DNHD1: variants seen among roughly 807,000 people sequenced by gnomAD.
DNHD1 encodes the protein dynein heavy chain domain-containing protein 1.
In DNHD1, 383 loss-of-function variants were observed where a neutral mutation model predicts 458.1. The ratio of observed to expected loss-of-function variants is 0.84; its 90% confidence interval spans 0.77 to 0.91. The LOEUF (loss-of-function observed/expected upper bound fraction) is 0.91. Among genes scored for constraint, DNHD1 ranks in the 40% least tolerant of loss-of-function variants. The probability of loss-of-function intolerance (pLI) is 0.00; values close to 1 mark genes in which losing one functional copy is unlikely to be tolerated. For synonymous variants in DNHD1, 2,203 were observed against 2,376.9 expected (o/e 0.93, Z 2.13); for missense variants, 5,336 against 5,866.1 (o/e 0.91, Z 2.95).
chr11:6,567,853 A>G lies in DNHD1; in HGVS notation c.12344A>G (p.Tyr4115Cys), dbSNP rs1437977167. 2 of 1,610,880 alleles carry G rather than the reference A, an allele frequency of 1.2e-6. No individual in the cohort carries two copies. The highest frequency in any genetic ancestry group is 1.3e-5 in the African/African-American group (1 of 74,948). Reference sequence around the variant, plus strand: ...GTCATCCAGAAACTGGCTGCCAAGTATCAGCAGGTTTGAACCTAGTTTCTT... The same window carrying G: ...GTCATCCAGAAACTGGCTGCCAAGTGTCAGCAGGTTTGAACCTAGTTTCTT... ...LTVIQKLAAK[Y>C]QQGQKQLQVI... The change falls in exon 36 of 43, where the codon TAT (tyrosine) becomes TGT (cysteine). Residue 4115 changes from tyrosine to cysteine, a missense_variant. Transcript: ENST00000254579.
At chr11:6,561,837 C>T (rs1170341486) in intron 28 of DNHD1, among the ~76,000 whole-genome samples, 2 of 151,984 alleles carry the variant, frequency 1.3e-5, no homozygotes, top group Non-Finnish European at 2.9e-5. Context: ...AGAGTGTGTG[C>T]CACATTGGAG....
chr11:6,522,581 A>G (rs961506912), intron 10 of DNHD1, among the ~76,000 whole-genome samples: 32 of 152,310 alleles, frequency 2.1e-4, no homozygotes, highest in African/African-American at 7.5e-4. Context: ...GTTTACCTAT[A>G]TAACAAACCT....
chr11:6,549,472 G>A (rs1299390090), intron 24 of DNHD1, among the ~76,000 whole-genome samples: 2 of 152,212 alleles, frequency 1.3e-5, no homozygotes, highest in African/African-American at 4.8e-5. Context: ...AGCTTTCTGT[G>A]ATGAGGCTTT....
chr11:6,512,211 C>CTT (rs11287049), intron 7 of DNHD1, among the ~76,000 whole-genome samples: 4,139 of 91,532 alleles, frequency 0.045, 666 homozygotes, highest in African/African-American at 0.16. Context: ...CTTTTTCTTT[C>CTT]TTTTTTTTTT....
chr11:6,570,662 C>T lies in DNHD1; in HGVS notation c.13150C>T (p.His4384Tyr), dbSNP rs774924494. The T allele has an allele frequency of 3.7e-6, 6 of 1,612,038 alleles. No homozygotes were observed. The highest frequency in any genetic ancestry group is 5.1e-6 in the Non-Finnish European group (6 of 1,179,156). ...AATGGCAGAGTGCAAGGCCCAGATGCACCTACTGCCCTCACCACCTGAACC... is the reference window on the plus strand; with the variant it reads ...AATGGCAGAGTGCAAGGCCCAGATGTACCTACTGCCCTCACCACCTGAACC... ...DAMAECKAQM[H>Y]LLPSPPEPRL... The change falls in exon 42 of 43, where the codon CAC becomes TAC. Residue 4384 changes from histidine (H) to tyrosine (Y), a missense_variant. By Grantham distance (83) the His-to-Tyr change is moderately conservative. This residue lies in a region of DNHD1 where 698 missense variants were observed against 664.9 expected (regional missense o/e 1.05). Coordinates refer to ENST00000254579, the MANE Select transcript of DNHD1 (RefSeq NM_144666.3).
intron 10 of DNHD1, among the ~76,000 whole-genome samples, chr11:6,522,146 A>G (rs1852616768): frequency 6.6e-6 from 1 of 152,066 alleles, no homozygotes; most frequent in Admixed American, 6.6e-5. Context: ...CTTCTTTTGA[A>G]AAGTGTCTGT....
intron 24 of DNHD1, among the ~76,000 whole-genome samples, chr11:6,550,590 A>G (rs1344439818): frequency 1.3e-5 from 2 of 152,204 alleles, no homozygotes; most frequent in African/African-American, 4.8e-5. Flanking sequence ...ATAGAATAGA[A>G]ACTGACCCTG....
At chr11:6,530,258 T>A (rs1012660745) in intron 12 of DNHD1, among the ~76,000 whole-genome samples, 1 of 152,234 alleles carries the variant, frequency 6.6e-6, no homozygotes, top group Non-Finnish European at 1.5e-5. Flanking sequence ...GGTTCCCTCC[T>A]CTTGCCACTT....
Position 6,538,745 on chromosome 11 carries a change from T to G in DNHD1, c.3260T>G (p.Leu1087Arg). 1 of 1,548,294 alleles carries G rather than the reference T, an allele frequency of 6.5e-7. No homozygotes were observed. ...ATCCTGGGGGAGTTTCGCAGCTACC[T>G]GCCCCTGCTCACTAAGCTGGGCAGC... is the stretch of plus-strand genomic sequence containing the variant. ...MRILGEFRSY[L>R]PLLTKLGSLH... is the part of the protein sequence containing the mutation. Residue 1087 changes from leucine (L) to arginine (R), a missense_variant, in exon 16 of 43, where the codon CTG becomes CGG. By Grantham distance (102) the Leu-to-Arg change is moderately radical (BLOSUM62 -2). Coordinates refer to ENST00000254579, the MANE Select transcript of DNHD1 (RefSeq NM_144666.3).
chr11:6,561,789 A>C (rs1472590570), intron 28 of DNHD1, among the ~76,000 whole-genome samples: 1 of 152,272 alleles, frequency 6.6e-6, no homozygotes, highest in Non-Finnish European at 1.5e-5. Context: ...AGAATGTCCC[A>C]GGTTGATATA....
rs1207793539 is a variant in DNHD1 at position 6,546,059 on chromosome 11, A to G, written c.5120A>G (p.Gln1707Arg). ...VNSLAQALGRQLVMLPCSPQI... is the reference protein window; with the variant it reads ...VNSLAQALGRRLVMLPCSPQI... The stretch of plus-strand genomic sequence containing the variant: ...AGCCTGGCACAGGCCCTGGGCCGCC[A>G]GCTGGTGATGCTACCCTGCTCACCT... Residue 1707 changes from glutamine to arginine, a missense_variant, in exon 21 of 43, where the codon CAG (glutamine) becomes CGG (arginine). Gln to Arg is a conservative substitution (Grantham distance 43). This residue lies in a region of DNHD1 where 3,932 missense variants were observed against 4,365.6 expected (regional missense o/e 0.90). Coordinates refer to ENST00000254579, the MANE Select transcript of DNHD1 (RefSeq NM_144666.3). The G allele has an allele frequency of 6.4e-7, 1 of 1,551,304 alleles. No homozygotes were observed. Among genetic ancestry groups the G allele is most frequent in the Non-Finnish European group, 8.7e-7 (1 of 1,146,662 alleles).
intron 7 of DNHD1, among the ~76,000 whole-genome samples, chr11:6,517,882 T>C (rs1852518094): frequency 6.6e-6 from 1 of 152,082 alleles, no homozygotes; most frequent in South Asian, 2.1e-4. Context: ...TCAAATCTTT[T>C]GTAGAATACT....
At chr11:6,554,906 C>T (rs1327069401) in intron 24 of DNHD1, among the ~76,000 whole-genome samples, 1 of 152,150 alleles carries the variant, frequency 6.6e-6, no homozygotes, top group Non-Finnish European at 1.5e-5. Context: ...TAGGTATTCA[C>T]CCAAGTAAAA....
rs1301712465 is a variant in DNHD1 at position 6,557,492 on chromosome 11, C to A, written c.8197C>A (p.Pro2733Thr). 7.1e-6 allele frequency: 11 copies of A among 1,551,586 alleles called. No homozygotes were observed. Among genetic ancestry groups the A allele is most frequent in the Non-Finnish European group, 8.7e-6 (10 of 1,147,020 alleles). ...SNSETEEEEE[P>T]YGLQVARVSN... ...TAGTGAAACAGAGGAGGAAGAGGAA[C>A]CTTATGGCCTTCAGGTCGCCAGAGT... Residue 2733 changes from proline (P) to threonine (T), a missense_variant, in exon 25 of 43, where the codon CCT (proline) becomes ACT (threonine). Coordinates refer to ENST00000254579, the MANE Select transcript of DNHD1 (RefSeq NM_144666.3).
Position 6,546,416 on chromosome 11 carries a change from C to T in DNHD1, c.5477C>T (p.Ala1826Val). 6.4e-7 allele frequency: 1 copy of T among 1,551,922 alleles called. No homozygotes were observed. The change falls in exon 21 of 43, where the codon GCA becomes GTA. Residue 1826 changes from alanine (A) to valine (V), a missense_variant. Transcript: ENST00000254579. ...ANLHLLLRPVALALPDLRQVA... is the reference protein window; with the variant it reads ...ANLHLLLRPVVLALPDLRQVA... Reference sequence around the variant, plus strand: ...CTGCACCTGCTGCTGCGGCCTGTGGCATTGGCATTGCCTGATCTGCGGCAA... The same window carrying T: ...CTGCACCTGCTGCTGCGGCCTGTGGTATTGGCATTGCCTGATCTGCGGCAA...
Position 6,538,487 on chromosome 11 carries a change from TG to T in DNHD1, c.3105del (p.Trp1035Ter). Reference sequence around the variant, plus strand: ...AGTCATCTCCGAAAACATCAGCGAGTGGAAGTGCATGGCTTTTGCCAAGGTG... The same window carrying T: ...AGTCATCTCCGAAAACATCAGCGAGTGAAGTGCATGGCTTTTGCCAAGGTG... Reference protein sequence around the residue: ...YRVISENISEWKCMAFAKFSP... With the variant: ...YRVISENISEXKCMAFAKFSP... On this transcript the variant is annotated frameshift_variant, in exon 15 of 43. Coordinates refer to ENST00000254579, the MANE Select transcript of DNHD1 (RefSeq NM_144666.3). 1 of 1,551,608 alleles carries T rather than the reference TG, an allele frequency of 6.4e-7. No homozygotes were observed. The highest frequency in any genetic ancestry group is 8.7e-7 in the Non-Finnish European group (1 of 1,146,982).
chr11:6,570,161 G>C (rs1341339991), intron 40 of DNHD1, 61 bp downstream of exon 40: 1 of 1,613,426 alleles, frequency 6.2e-7, no homozygotes, highest in East Asian at 2.2e-5. Flanking sequence ...GAAGAGGGTG[G>C]GGGTGGGATA....
rs1199441546 is a variant in DNHD1, at chr11:6,558,268, GAAC to G, written c.8975_8977del (p.Asn2992del). ...CCAGGGAGAACCTTGGTGTCAAACA[GAAC>G]ATCAAGAAGGAAATGGTGTTGCAGA... On this transcript the variant is annotated inframe_deletion, in exon 25 of 43. Coordinates refer to ENST00000254579, the MANE Select transcript of DNHD1 (RefSeq NM_144666.3). 5 of 1,551,378 alleles carry G rather than the reference GAAC, an allele frequency of 3.2e-6. No homozygotes were observed.
At chr11:6,543,992 GA>G (rs1271974765) in intron 18 of DNHD1, 128 bp from the exon 19 acceptor site, 10 of 238,630 alleles carry the variant, frequency 4.2e-5, no homozygotes, top group Middle Eastern at 1.4e-3. Context: ...AAAAGGGAAA[GA>G]AAAAGACAGA....
Sources: gnomAD v4.1 joint callset for allele counts (sites outside exome capture counted in the v4.1 genomes callset) on GRCh38, gnomAD v4.1.1 for gene constraint, gnomAD v4.1.1 regional missense constraint, MANE v1.5 for transcripts, NCBI Gene and HGNC (gene_info 2026-07-23, HGNC 2026-07-21) for gene names.